CUEDC1: variants seen among roughly 807,000 people sequenced by gnomAD.
The protein encoded by CUEDC1 is CUE domain-containing protein 1.
A neutral mutation model predicts 43.7 loss-of-function variants in CUEDC1; 30 were observed. The ratio of observed to expected loss-of-function variants is 0.69; its 90% CI spans 0.51 to 0.93. CUEDC1 has a LOEUF of 0.93. CUEDC1 is among the 40% of genes least tolerant of loss of function. The pLI is 0.00. For missense variants in CUEDC1, 486 were observed against 549.0 expected, an observed-to-expected ratio of 0.89 and a Z score of 1.15; for synonymous variants, 223 against 223.6, an observed-to-expected ratio of 1.00 and a Z score of 0.02.
At chr17:57,888,042 A>T (rs1481344903) in intron 1 of CUEDC1, among the ~76,000 whole-genome samples, 1 of 151,348 alleles carries the variant, frequency 6.6e-6, no homozygotes, top group African/African-American at 2.4e-5. Context: ...CTGGGACTAC[A>T]GGCACGTGCC....
In CUEDC1 at chr17:57,930,453, A is replaced by G. The variant is rs2074793075; in HGVS notation, c.-316+24772T>C. Among the ~76,000 whole-genome samples the G allele has an allele frequency of 1.3e-5, 2 of 152,232 alleles. No individual in the cohort carries two copies. The highest frequency in any genetic ancestry group is 4.1e-4 in the South Asian group (2 of 4,832). Reference sequence around the variant, plus strand: ...GCCCTTTTATCCTGAGTCAGAAACCAAAGCCCTCTCCGTCCCAGGGGTTTA... The same window carrying G: ...GCCCTTTTATCCTGAGTCAGAAACCGAAGCCCTCTCCGTCCCAGGGGTTTA... On this transcript the variant is annotated intron_variant, in intron 1 of 10. Transcript: ENST00000577830. The surrounding 1 kb of genome is among the most constrained non-coding windows in gnomAD (Gnocchi z 4.2).
chr17:57,865,971 T>A (rs2073951619), intron 10 of CUEDC1, among the ~76,000 whole-genome samples: 1 of 152,028 alleles, frequency 6.6e-6, no homozygotes, highest in Non-Finnish European at 1.5e-5. Flanking sequence ...TACAGGCGCT[T>A]GCCACCACGC....
At chr17:57,867,544 C>T (rs924143193) in intron 8 of CUEDC1, 129 bp from the exon 9 acceptor site, 13 of 794,420 alleles carry the variant, frequency 1.6e-5, no homozygotes, top group Admixed American at 1.4e-4. Flanking sequence ...TGACCCCCCA[C>T]ACCCTTAGTA....
At position 57,871,295 on chromosome 17, in the gene CUEDC1, G is replaced by C. The variant is rs775325663; in HGVS notation, c.859C>G (p.Pro287Ala). The stretch of plus-strand genomic sequence containing the variant: ...CAGAAGGCAAAGTTACCTGGGACAG[G>C]AGAGGAAAAGCCAAAGTCGTTTCCG... ...AVGNDFGFSS[P>A]VPGTGDANPA... The change falls in exon 6 of 11, where the codon CCT becomes GCT. Residue 287 changes from proline to alanine, a missense_variant. Pro to Ala is a conservative substitution (Grantham distance 27). Transcript: ENST00000577830. 1 of 1,613,524 alleles carries C rather than the reference G, an allele frequency of 6.2e-7. No homozygotes were observed. The highest frequency in any genetic ancestry group is 8.5e-7 in the Non-Finnish European group (1 of 1,179,438).
intron 1 of CUEDC1, among the ~76,000 whole-genome samples, chr17:57,896,706 G>C (rs1597992238): frequency 6.6e-6 from 1 of 150,630 alleles, no homozygotes; most frequent in East Asian, 1.9e-4. Flanking sequence ...CATTATTATT[G>C]GATTACTAAG....
chr17:57,885,475 G>A lies in CUEDC1; in HGVS notation c.90C>T (p.Pro30=), dbSNP rs754576076. 1 of 1,574,642 alleles carries A rather than the reference G, an allele frequency of 6.4e-7. No individual in the cohort carries two copies. Among genetic ancestry groups the A allele is most frequent in the Non-Finnish European group, 8.6e-7 (1 of 1,164,900 alleles). Residue 30 remains proline (P), a synonymous_variant, in exon 2 of 11, where the codon CCC becomes CCT. Transcript: ENST00000577830. The stretch of plus-strand genomic sequence containing the variant: ...CAGGCCGGCTGTTGTTGAGCTCCTG[G>A]GGGGCGGCCGTGCCTCCCCCGCCCC... ...ARGGGGGTAA[P]QELNNSRPAR...
intron 1 of CUEDC1, among the ~76,000 whole-genome samples, chr17:57,893,586 G>A (rs888236879): frequency 1.3e-5 from 2 of 152,112 alleles, no homozygotes; most frequent in East Asian, 1.9e-4. Context: ...CCTCATTCCC[G>A]AGGCCCCCAG....
intron 1 of CUEDC1, among the ~76,000 whole-genome samples, chr17:57,888,653 C>T (rs1226018569): frequency 6.6e-6 from 1 of 152,246 alleles, no homozygotes; most frequent in Non-Finnish European, 1.5e-5. Flanking sequence ...GCCTGGGCTC[C>T]ACCCTGACAG....
At chr17:57,866,642 G>T in intron 9 of CUEDC1, 98 bp from the exon 10 acceptor site, 1 of 1,206,612 alleles carries the variant, frequency 8.3e-7, no homozygotes, top group Non-Finnish European at 1.2e-6. Flanking sequence ...GACTCTCTCT[G>T]CCCCCTTCAT....
chr17:57,864,000 CAA>C (rs71365846), intron 10 of CUEDC1, among the ~76,000 whole-genome samples: 16 of 82,542 alleles, frequency 1.9e-4, no homozygotes, highest in Non-Finnish European at 2.4e-4. Flanking sequence ...GACTCCATCT[CAA>C]AAAAAAAAAA....
intron 1 of CUEDC1, among the ~76,000 whole-genome samples, chr17:57,919,234 C>A (rs1253290212): frequency 1.3e-5 from 2 of 152,020 alleles, no homozygotes; most frequent in Non-Finnish European, 2.9e-5. Context: ...GGCTGGAGTA[C>A]AATGGCGCGA....
intron 1 of CUEDC1, among the ~76,000 whole-genome samples, chr17:57,933,997 G>T (rs1363654617): frequency 6.6e-6 from 1 of 152,190 alleles, no homozygotes; most frequent in Non-Finnish European, 1.5e-5. Flanking sequence ...GAGGAATGCA[G>T]TGTCAAGAAA....
chr17:57,936,921 A>C (rs1201065543), intron 1 of CUEDC1, among the ~76,000 whole-genome samples: 1 of 151,842 alleles, frequency 6.6e-6, no homozygotes, highest in Non-Finnish European at 1.5e-5. Flanking sequence ...CCTGGGTTCA[A>C]GCGATTCTCC....
intron 1 of CUEDC1, among the ~76,000 whole-genome samples, chr17:57,934,871 C>T (rs915815309): frequency 4.6e-5 from 7 of 152,098 alleles, no homozygotes; most frequent in Admixed American, 1.3e-4. Context: ...CCATGCCCAG[C>T]TAATTTTTGT....
chr17:57,932,584 CAAAAAAAAA>C (rs58304648), intron 1 of CUEDC1, among the ~76,000 whole-genome samples: 2 of 46,484 alleles, frequency 4.3e-5, no homozygotes, highest in African/African-American at 7.9e-5. Context: ...GACTCTGTCT[CAAAAAAAAA>C]AAAAAAAAAA....
In CUEDC1 at chr17:57,947,540, T is replaced by C. The variant is rs2074970394; in HGVS notation, c.-316+7685A>G. 2.6e-5 allele frequency among the ~76,000 whole-genome samples: 4 copies of C among 152,198 alleles called. 1 individual carries two copies. The South Asian group carries it at 8.3e-4, about 32-fold the overall frequency. ...CGAGCCAGGCACGGTGGCTCACACCTGTAATCCCAGTACTTTGGGAGGCTA... is the reference window on the plus strand; with the variant it reads ...CGAGCCAGGCACGGTGGCTCACACCCGTAATCCCAGTACTTTGGGAGGCTA... On this transcript the variant is annotated intron_variant, in intron 1 of 10. Transcript: ENST00000577830.
intron 8 of CUEDC1, chr17:57,867,636 G>C (rs1040953849): frequency 1.7e-5 from 10 of 584,614 alleles, no homozygotes; most frequent in Non-Finnish European, 2.8e-5. Context: ...TCTGGGGATG[G>C]AGAAACAGCT....
At chr17:57,929,831 C>T (rs1342768194) in intron 1 of CUEDC1, among the ~76,000 whole-genome samples, 1 of 152,046 alleles carries the variant, frequency 6.6e-6, no homozygotes, top group Non-Finnish European at 1.5e-5. Context: ...GACGGAGTTT[C>T]GCTCTTGTTG....
chr17:57,929,039 C>T (rs2074777695), intron 1 of CUEDC1, among the ~76,000 whole-genome samples: 1 of 152,068 alleles, frequency 6.6e-6, no homozygotes, highest in African/African-American at 2.4e-5. Context: ...ACTAATTTGC[C>T]ACAGTTTTAA....
Sources: gnomAD v4.1 joint callset for allele counts (sites outside exome capture counted in the v4.1 genomes callset) on GRCh38, gnomAD v4.1.1 for gene constraint, Gnocchi (gnomAD v3.1) non-coding constraint, MANE v1.5 for transcripts, NCBI Gene and HGNC (gene_info 2026-07-23, HGNC 2026-07-21) for gene names.